SRGAP2C: variants seen among roughly 807,000 people sequenced by gnomAD.
SRGAP2C encodes SLIT-ROBO Rho GTPase-activating protein 2C.
Under a neutral mutation model 25.1 loss-of-function variants are expected in SRGAP2C, and 15 were observed. The ratio of observed to expected loss-of-function variants is 0.60; its 90% confidence interval spans 0.40 to 0.92. The LOEUF (loss-of-function observed/expected upper bound fraction) is 0.92. SRGAP2C is among the 40% of genes least tolerant of loss of function. SRGAP2C has a pLI of 0.00. For synonymous variants in SRGAP2C, 44 were observed against 96.6 expected, an observed-to-expected ratio of 0.46 and a Z score of 3.19; for missense variants, 144 against 264.4, an observed-to-expected ratio of 0.54 and a Z score of 3.16.
At chr1:121,322,193 A>T (rs1213712659) in intron 3 of SRGAP2C, among the ~76,000 whole-genome samples, 1 of 148,882 alleles carries the variant, frequency 6.7e-6, no homozygotes, top group Non-Finnish European at 1.5e-5. Flanking sequence ...GTCAATGTAA[A>T]GTCTCATGAG....
At chr1:121,218,939 C>T (rs2101441295) in intron 2 of SRGAP2C, among the ~76,000 whole-genome samples, 1 of 152,016 alleles carries the variant, frequency 6.6e-6, no homozygotes, top group East Asian at 1.9e-4. Context: ...AAATGAAGGG[C>T]AGAATTCTTC....
chr1:121,385,086 C>T (rs587654697), intron 8 of SRGAP2C, among the ~76,000 whole-genome samples: 2 of 151,318 alleles, frequency 1.3e-5, no homozygotes, highest in East Asian at 2.0e-4. Context: ...AGTCTATCCC[C>T]ATCAGTGTGG....
intron 2 of SRGAP2C, among the ~76,000 whole-genome samples, chr1:121,272,160 CAAAAA>C (rs61711288): frequency 2.2e-4 from 2 of 9,194 alleles, no homozygotes; most frequent in Non-Finnish European, 1.9e-4. Flanking sequence ...GACTCCATCT[CAAAAA>C]AAAAAAAAAA....
rs1196885950 is a variant in SRGAP2C, at chr1:121,238,613, CT to C, written c.68-46179del. On this transcript the variant is annotated intron_variant, in intron 2 of 9. Coordinates refer to ENST00000367123, the MANE Select transcript of SRGAP2C (RefSeq NM_001329984.2). ...AGTGACATGATTCATTTGCATTTTA[CT>C]TTTTTTTTTTCTTTTATGAGACAGA... 1.2e-3 allele frequency among the ~76,000 whole-genome samples: 177 copies of C among 145,638 alleles called. 2 individuals are homozygous for C. The highest frequency in any genetic ancestry group is 3.6e-3 in the African/African-American group (144 of 39,776).
At chr1:121,343,288 C>T (rs1658672238) in intron 4 of SRGAP2C, among the ~76,000 whole-genome samples, 1 of 152,072 alleles carries the variant, frequency 6.6e-6, no homozygotes, top group East Asian at 1.9e-4. Context: ...GCTGAAGCCC[C>T]AGTGGAATCT....
chr1:121,196,959 C>T (rs587741883), intron 2 of SRGAP2C, among the ~76,000 whole-genome samples: 1 of 151,380 alleles, frequency 6.6e-6, no homozygotes, highest in Admixed American at 6.6e-5. Flanking sequence ...TTTTTTTTTG[C>T]TAACATCGTA....
intron 2 of SRGAP2C, among the ~76,000 whole-genome samples, chr1:121,239,187 T>G (rs1656034674): frequency 6.9e-4 from 1 of 1,442 alleles, no homozygotes; most frequent in Non-Finnish European, 9.6e-4. Context: ...ACTATATATA[T>G]ATATATATAT....
At chr1:121,287,881 C>A (rs1280667753) in intron 3 of SRGAP2C, among the ~76,000 whole-genome samples, 1 of 152,014 alleles carries the variant, frequency 6.6e-6, no homozygotes, top group African/African-American at 2.4e-5. Context: ...GTTGTTCATT[C>A]CTCCCGGTGG....
chr1:121,295,710 G>T (rs1657581360), intron 3 of SRGAP2C, among the ~76,000 whole-genome samples: 1 of 151,994 alleles, frequency 6.6e-6, no homozygotes, highest in Non-Finnish European at 1.5e-5. Context: ...ATCTTTAAAA[G>T]AAATAGAGAG....
rs587685233 is a variant in SRGAP2C, at chr1:121,372,548, A to G, written c.487-1423A>G. On this transcript the variant is annotated intron_variant, in intron 5 of 9. Transcript: ENST00000367123. ...TTTCAGGAATATCTTGACCATATTT[A>G]ACCTTTCCTCCCAACCAGTTCAGCT... 2.9e-3 allele frequency among the ~76,000 whole-genome samples: 343 copies of G among 119,248 alleles called. 5 individuals are homozygous for G. The highest frequency in any genetic ancestry group is 0.011 in the African/African-American group (314 of 29,268). 78.2% of individuals were successfully genotyped at this position (119,248 alleles called of 152,430 possible). A position where few individuals can be genotyped will look rare whatever the true frequency, so the allele number is the denominator to read the frequency against.
chr1:121,295,751 TG>T (rs1258797663), intron 3 of SRGAP2C, among the ~76,000 whole-genome samples: 1 of 152,104 alleles, frequency 6.6e-6, no homozygotes, highest in East Asian at 1.9e-4. Context: ...TTGTTGTTGT[TG>T]TTGTTGTTGT....
intron 4 of SRGAP2C, among the ~76,000 whole-genome samples, chr1:121,343,296 T>A (rs1353700181): frequency 1.3e-5 from 2 of 152,130 alleles, no homozygotes; most frequent in African/African-American, 4.8e-5. Flanking sequence ...CCCAGTGGAA[T>A]CTAATTCCAT....
intron 2 of SRGAP2C, among the ~76,000 whole-genome samples, chr1:121,211,162 T>C (rs1169567719): frequency 1.3e-5 from 2 of 151,880 alleles, no homozygotes; most frequent in African/African-American, 2.4e-5. Flanking sequence ...TCTCTTTTTA[T>C]GCAACACTTT....
intron 2 of SRGAP2C, among the ~76,000 whole-genome samples, chr1:121,192,339 A>T: frequency 6.6e-6 from 1 of 152,342 alleles, no homozygotes; most frequent in East Asian, 1.9e-4. Flanking sequence ...TCATTTTCCC[A>T]CAAGATGATT....
rs1195366980 is a variant in SRGAP2C at position 121,259,605 on chromosome 1, C to T, written c.68-25198C>T. On this transcript the variant is annotated intron_variant, in intron 2 of 9. Transcript: ENST00000367123. ...TTTATTCATTCACTCATCTGTGCAA[C>T]AGGTATTTTTTGATGATCATGTATC... 1.2e-3 allele frequency among the ~76,000 whole-genome samples: 185 copies of T among 151,698 alleles called. 1 individual carries two copies. Among genetic ancestry groups the T allele is most frequent in the African/African-American group, 4.4e-3 (182 of 41,418 alleles).
intron 2 of SRGAP2C, among the ~76,000 whole-genome samples, chr1:121,192,389 A>C (rs1654711560): frequency 1.3e-5 from 2 of 152,106 alleles, no homozygotes; most frequent in South Asian, 2.1e-4. Flanking sequence ...AAACAACAAC[A>C]AAAAAAGCTA....
At chr1:121,355,305 CTTTTTTTTTTTTTTTT>C (rs1203362201) in intron 4 of SRGAP2C, among the ~76,000 whole-genome samples, 6 of 37,272 alleles carry the variant, frequency 1.6e-4, no homozygotes, top group African/African-American at 3.4e-4. Context: ...GATACACATT[CTTTTTTTTTTTTTTTT>C]TTTTTTTTTT....
intron 4 of SRGAP2C, among the ~76,000 whole-genome samples, chr1:121,362,513 A>G (rs1214624357): frequency 2.7e-5 from 4 of 150,294 alleles, no homozygotes; most frequent in Admixed American, 2.7e-4. Context: ...TTCTTCCCCC[A>G]TCCCCCACTC....
Position 121,321,827 on chromosome 1 carries a change from G to A in SRGAP2C, c.261-2651G>A, listed in dbSNP as rs1260294106. Among the ~76,000 whole-genome samples the A allele has an allele frequency of 9.9e-5, 15 of 152,274 alleles. No individual in the cohort carries two copies. In the East Asian group the frequency reaches 2.9e-3, roughly 29 times the overall value. On this transcript the variant is annotated intron_variant, in intron 3 of 9. Transcript: ENST00000367123. ...TCATCTTTTCTTTTGAGGACACCCT[G>A]GGGATATGTGCTCTGCATCCTTTCC...
Sources: gnomAD v4.1 joint callset for allele counts (sites outside exome capture counted in the v4.1 genomes callset) on GRCh38, gnomAD v4.1.1 for gene constraint, MANE v1.5 for transcripts, NCBI Gene and HGNC (gene_info 2026-07-23, HGNC 2026-07-21) for gene names.